Variants in EPRS1 observed in about 807,000 individuals in gnomAD.
EPRS1 encodes the protein glutamyl-prolyl-tRNA synthetase 1.
In EPRS1, 107 loss-of-function variants were observed where a neutral mutation model predicts 188.3. That is an observed-to-expected ratio of 0.57 (90% CI 0.49 to 0.67). The LOEUF is 0.67. Among genes scored for constraint, EPRS1 ranks in the 30% least tolerant of loss-of-function variants. The pLI is 0.00. For synonymous variants in EPRS1, 596 were observed against 593.1 expected (o/e 1.00, Z -0.07); for missense variants, 1,577 against 1,802.2 (o/e 0.88, Z 2.26).
intron 20 of EPRS1, among the ~76,000 whole-genome samples, chr1:219,986,438 G>A (rs963275870): frequency 6.6e-6 from 1 of 152,072 alleles, no homozygotes; most frequent in Non-Finnish European, 1.5e-5. Flanking sequence ...CTTGATCTGC[G>A]ATGCCAATAT....
At chr1:219,986,630 CTTATAT>C (rs1661010888) in intron 20 of EPRS1, among the ~76,000 whole-genome samples, 1 of 152,008 alleles carries the variant, frequency 6.6e-6, no homozygotes, top group Non-Finnish European at 1.5e-5. Context: ...TCAGTTTTGT[CTTATAT>C]TTAAACTATC....
At chr1:220,007,113 TG>T (rs931246575) in intron 14 of EPRS1, 88 bp downstream of exon 14, 1 of 1,149,094 alleles carries the variant, frequency 8.7e-7, no homozygotes, top group African/African-American at 1.6e-5. Flanking sequence ...GCAACATGTA[TG>T]GGTCTGAATT....
At chr1:220,033,920 A>G (rs1662130437) in intron 3 of EPRS1, among the ~76,000 whole-genome samples, 1 of 149,822 alleles carries the variant, frequency 6.7e-6, no homozygotes, top group Non-Finnish European at 1.5e-5. Context: ...GCACTTCAGG[A>G]AAGAACAGGA....
At chr1:219,992,766 C>CA (rs1661148449) in intron 18 of EPRS1, among the ~76,000 whole-genome samples, 1 of 151,972 alleles carries the variant, frequency 6.6e-6, no homozygotes, top group Non-Finnish European at 1.5e-5. Flanking sequence ...CTACTAAAAA[C>CA]AAAATACAAA....
At chr1:219,983,041 A>G in intron 22 of EPRS1, 148 bp downstream of exon 22, 3 of 746,652 alleles carry the variant, frequency 4.0e-6, no homozygotes, top group Non-Finnish European at 6.6e-6. Flanking sequence ...AATTAATGTA[A>G]CAAAATCATT....
intron 12 of EPRS1, among the ~76,000 whole-genome samples, chr1:220,012,473 T>C (rs1661623307): frequency 1.3e-5 from 2 of 152,210 alleles, no homozygotes; most frequent in Non-Finnish European, 2.9e-5. Flanking sequence ...TAATCACCAC[T>C]TGGGGCAGTT....
intron 7 of EPRS1, 29 bp from the exon 8 acceptor site, chr1:220,024,485 G>C (rs1293404845): frequency 1.3e-6 from 2 of 1,529,240 alleles, no homozygotes; most frequent in South Asian, 2.5e-5. Flanking sequence ...ATAACCATCA[G>C]TATATCTTTT....
intron 14 of EPRS1, 78 bp from the exon 15 acceptor site, chr1:220,006,391 T>A: frequency 2.5e-6 from 1 of 404,662 alleles, no homozygotes; most frequent in Non-Finnish European, 4.1e-6. Flanking sequence ...CTATAATAAT[T>A]TTATATTATT....
At chr1:219,998,379 C>T (rs140036922) in intron 17 of EPRS1, among the ~76,000 whole-genome samples, 3 of 152,156 alleles carry the variant, frequency 2.0e-5, no homozygotes, top group African/African-American at 7.2e-5. Flanking sequence ...AAAAACCCAT[C>T]GCTCAAAATT....
chr1:220,040,742 C>A (rs1377741977), intron 1 of EPRS1, among the ~76,000 whole-genome samples: 2 of 151,478 alleles, frequency 1.3e-5, no homozygotes, highest in African/African-American at 2.4e-5. Flanking sequence ...CCCAGCTACT[C>A]GGGAGGCTGA....
In EPRS1 at chr1:220,040,217, T is replaced by C. The variant is rs375841789; in HGVS notation, c.99A>G (p.Glu33=). 14 of 1,608,714 alleles carry C rather than the reference T, an allele frequency of 8.7e-6. No individual in the cohort carries two copies. The Admixed American group carries it at 1.3e-4, about 15-fold the overall frequency. ...CATGAAGAATATTCTCTTTCCCTTC[T>C]TCAACGGAAATGCTGACATCGTCTT... ...HVKDDVSISV[E]EGKENILHVS... Residue 33 remains glutamate, a synonymous_variant, in exon 2 of 32, where the codon GAA becomes GAG. Coordinates refer to ENST00000366923, the MANE Select transcript of EPRS1 (RefSeq NM_004446.3).
chr1:219,984,179 A>G, intron 21 of EPRS1, 27 bp downstream of exon 21: 6 of 1,587,496 alleles, frequency 3.8e-6, no homozygotes, highest in African/African-American at 1.3e-5. Flanking sequence ...GACTTAAAAC[A>G]TAAAAATCAA....
Position 219,988,640 on chromosome 1 carries a change from C to G in EPRS1, c.2725G>C (p.Ala909Pro), listed in dbSNP as rs879001603. Residue 909 changes from alanine to proline, a missense_variant, in exon 19 of 32, where the codon GCT becomes CCT. Physicochemically the swap from Ala to Pro is conservative, Grantham distance 27. Transcript: ENST00000366923. ...TTCCGAACTACTTCCCCTTGAGAAG[C>G]TACTTTGTCAAAAAGTACTTTCGCT... is the stretch of plus-strand genomic sequence containing the variant. ...PEAKVLFDKVASQGEVVRKLK... is the reference protein window; with the variant it reads ...PEAKVLFDKVPSQGEVVRKLK... 2 of 1,613,814 alleles carry G rather than the reference C, an allele frequency of 1.2e-6. No individual in the cohort carries two copies. Among genetic ancestry groups the G allele is most frequent in the African/African-American group, 2.7e-5 (2 of 74,904 alleles).
At position 220,001,122 on chromosome 1, in the gene EPRS1, C is replaced by A. The variant is rs1272869577; in HGVS notation, c.2181+16G>T. ...AGACCATTTATTTTTATACACATAT[C>A]CGTAAAAGTCATTACCTCATTTTTT... is the stretch of plus-strand genomic sequence containing the variant. On this transcript the variant is annotated intron_variant, in intron 17 of 31. Coordinates refer to ENST00000366923, the MANE Select transcript of EPRS1 (RefSeq NM_004446.3). 3.0e-6 allele frequency: 4 copies of A among 1,332,544 alleles called. No individual in the cohort carries two copies. The highest frequency in any genetic ancestry group is 1.7e-5 in the Admixed American group (1 of 59,614). The allele number at this position is 1,332,544 out of a possible 1,614,324, so 82.5% of individuals were successfully genotyped here.
Position 219,968,882 on chromosome 1 carries a change from TCA to T in EPRS1, c.4461_4462del (p.Cys1487Ter). ...GACACATTTGGCTCCAGGCTGCAGT[TCA>T]CAGAGTGGTTTGAAGGGGATGCAAA... On this transcript the variant is annotated stop_gained and frameshift_variant, in exon 32 of 32. Transcript: ENST00000366923. LOFTEE classifies it high-confidence loss of function. 1.2e-6 allele frequency: 2 copies of T among 1,614,154 alleles called. No homozygotes were observed. The highest frequency in any genetic ancestry group is 1.7e-6 in the Non-Finnish European group (2 of 1,179,994).
chr1:220,004,803 TCTC>T (rs1370998247), intron 16 of EPRS1, among the ~76,000 whole-genome samples: 4 of 151,870 alleles, frequency 2.6e-5, no homozygotes, highest in Non-Finnish European at 1.5e-5. Context: ...TACATAGAGT[TCTC>T]CTTCTAATAA....
At chr1:220,026,906 T>C (rs1302902167) in intron 6 of EPRS1, among the ~76,000 whole-genome samples, 2 of 151,870 alleles carry the variant, frequency 1.3e-5, no homozygotes, top group East Asian at 1.9e-4. Context: ...TAAAATAATA[T>C]AAAAATTCAT....
rs146522175 is a variant in EPRS1, at chr1:219,980,348, C to T, written c.3556-108G>A. 4.5e-4 allele frequency: 343 copies of T among 759,732 alleles called. 3 individuals carry two copies. In the East Asian group the frequency reaches 8.5e-3, roughly 19 times the overall value. The allele number at this position is 759,732 out of a possible 1,614,324, so 47.1% of individuals were successfully genotyped here. ...AATTGTGTGGGAAAAGCAATCTGAACAATAAAAACCTCTTTTTATGAAAAG... is the reference window on the plus strand; with the variant it reads ...AATTGTGTGGGAAAAGCAATCTGAATAATAAAAACCTCTTTTTATGAAAAG... On this transcript the variant is annotated intron_variant, in intron 25 of 31. Coordinates refer to ENST00000366923, the MANE Select transcript of EPRS1 (RefSeq NM_004446.3).
intron 6 of EPRS1, 77 bp downstream of exon 6, chr1:220,030,309 C>G: frequency 1.1e-6 from 1 of 907,466 alleles, no homozygotes; most frequent in Non-Finnish European, 1.8e-6. Flanking sequence ...CCTATTAATA[C>G]TTTAAGTATT....
Sources: allele counts gnomAD v4.1 joint callset (sites outside exome capture counted in the v4.1 genomes callset), GRCh38; gene constraint gnomAD v4.1.1; transcripts MANE v1.5; gene names NCBI Gene and HGNC (gene_info 2026-07-23, HGNC 2026-07-21).